PCSK6: variants seen among roughly 807,000 people sequenced by gnomAD.
PCSK6 encodes the protein paired basic amino acid cleaving enzyme 4.
Under a neutral mutation model 123.3 loss-of-function variants are expected in PCSK6, and 85 were observed. The observed-to-expected ratio is 0.69, with a 90% CI of 0.58 to 0.83. PCSK6 has a LOEUF of 0.83. PCSK6 is among the 40% of genes least tolerant of loss of function. The probability of loss-of-function intolerance (pLI) is 0.00; values close to 1 mark genes in which losing one functional copy is unlikely to be tolerated. For synonymous variants in PCSK6, 508 were observed against 516.0 expected, an observed-to-expected ratio of 0.98 and a Z score of 0.21; for missense variants, 1,191 against 1,282.3, an observed-to-expected ratio of 0.93 and a Z score of 1.09.
rs1265409246 is a variant in PCSK6 at position 101,345,618 on chromosome 15, A to C, written c.1859-13587T>G. 3.3e-5 allele frequency among the ~76,000 whole-genome samples: 5 copies of C among 152,260 alleles called. 1 individual carries two copies. The highest frequency in any genetic ancestry group is 7.3e-5 in the Non-Finnish European group (5 of 68,040). On this transcript the variant is annotated intron_variant, in intron 13 of 21. Coordinates refer to ENST00000611716, the MANE Select transcript of PCSK6 (RefSeq NM_002570.5). ...AATATTTTACACAGACTACATACTT[A>C]TCAGCTTGATAGCAACACTGAGCGC...
chr15:101,427,398 A>G (rs565092070), intron 6 of PCSK6, among the ~76,000 whole-genome samples: 2 of 152,280 alleles, frequency 1.3e-5, no homozygotes, highest in African/African-American at 4.8e-5. Context: ...CCCAGGCATC[A>G]ATCGGGAAGA....
At chr15:101,425,151 C>A (rs113305224) in intron 6 of PCSK6, among the ~76,000 whole-genome samples, 4 of 152,182 alleles carry the variant, frequency 2.6e-5, no homozygotes, top group African/African-American at 9.7e-5. Flanking sequence ...GAGACAATTA[C>A]GTCTGCGGCG....
chr15:101,343,188 T>C (rs1348893342), intron 13 of PCSK6, among the ~76,000 whole-genome samples: 1 of 150,066 alleles, frequency 6.7e-6, no homozygotes, highest in Non-Finnish European at 1.5e-5. Flanking sequence ...CACATAATTT[T>C]AATGTATATA....
intron 6 of PCSK6, among the ~76,000 whole-genome samples, chr15:101,402,786 G>A (rs1246594822): frequency 1.3e-5 from 2 of 152,176 alleles, no homozygotes; most frequent in Non-Finnish European, 2.9e-5. Flanking sequence ...TGCTGGAGAG[G>A]ATGTGGAGAA....
At chr15:101,367,643 C>A (rs1013127889) in intron 12 of PCSK6, among the ~76,000 whole-genome samples, 2 of 151,472 alleles carry the variant, frequency 1.3e-5, no homozygotes, top group Admixed American at 1.3e-4. Context: ...ACATCAATGG[C>A]TTCTTAGTGA....
chr15:101,384,635 A>G (rs2042008121), intron 9 of PCSK6, among the ~76,000 whole-genome samples: 1 of 152,214 alleles, frequency 6.6e-6, no homozygotes, highest in Non-Finnish European at 1.5e-5. Flanking sequence ...AAAAGGTTCA[A>G]TGGGTGACCC....
At chr15:101,415,462 T>C (rs2055855718) in intron 6 of PCSK6, among the ~76,000 whole-genome samples, 1 of 152,216 alleles carries the variant, frequency 6.6e-6, no homozygotes, top group African/African-American at 2.4e-5. Flanking sequence ...TAAAATACTG[T>C]GATTTGTAAA....
At chr15:101,416,524 C>A (rs1438145386) in intron 6 of PCSK6, among the ~76,000 whole-genome samples, 2 of 152,220 alleles carry the variant, frequency 1.3e-5, no homozygotes, top group East Asian at 3.8e-4. Flanking sequence ...GCATAAGTAA[C>A]AAGGAATCTA....
At chr15:101,472,344 A>G (rs2057627156) in intron 1 of PCSK6, among the ~76,000 whole-genome samples, 1 of 152,282 alleles carries the variant, frequency 6.6e-6, no homozygotes. Flanking sequence ...CGGGTTGGGC[A>G]GCATGGCTGC....
intron 1 of PCSK6, among the ~76,000 whole-genome samples, chr15:101,444,526 T>A (rs2056837792): frequency 6.6e-6 from 1 of 152,164 alleles, no homozygotes; most frequent in Admixed American, 6.5e-5. Context: ...TCTAGCTTGA[T>A]TAAAGGGTAA....
chr15:101,325,997 C>T (rs978416821), intron 16 of PCSK6, among the ~76,000 whole-genome samples: 1 of 152,238 alleles, frequency 6.6e-6, no homozygotes, highest in African/African-American at 2.4e-5. Flanking sequence ...TCAGCCTGTC[C>T]AAGAGCCATG....
chr15:101,347,859 G>T lies in PCSK6; in HGVS notation c.1859-15828C>A. On this transcript the variant is annotated intron_variant, in intron 13 of 21. Coordinates refer to ENST00000611716, the MANE Select transcript of PCSK6 (RefSeq NM_002570.5). The stretch of plus-strand genomic sequence containing the variant: ...AATCCCAGGGCAACAGGAGTGGAGG[G>T]CAGCAGGAGGAAGCGCCCGGGGTTG... 4 of 1,139,032 alleles carry T rather than the reference G, an allele frequency of 3.5e-6. No individual in the cohort carries two copies. The South Asian group carries it at 5.0e-5, about 14-fold the overall frequency. 70.6% of individuals were successfully genotyped at this position (1,139,032 alleles called of 1,614,324 possible). A position where few individuals can be genotyped will look rare whatever the true frequency, so the allele number is the denominator to read the frequency against.
At chr15:101,355,457 G>C (rs1021285760) in intron 13 of PCSK6, among the ~76,000 whole-genome samples, 1 of 152,224 alleles carries the variant, frequency 6.6e-6, no homozygotes, top group South Asian at 2.1e-4. Context: ...CAAAGGGAGG[G>C]CTAGGCCAAC....
intron 1 of PCSK6, among the ~76,000 whole-genome samples, chr15:101,466,868 C>T (rs112963387): frequency 3.9e-5 from 6 of 152,140 alleles, no homozygotes; most frequent in African/African-American, 1.4e-4. Flanking sequence ...TGGGGACTGA[C>T]TGCTAAGACG....
Position 101,322,528 on chromosome 15 carries a change from T to C in PCSK6, c.2457A>G (p.Glu819=). ...DEPEKCTVCK[E]GFSLARGSCI... ...TTTCGAGGGGGTTTTACCTGAATCCTTCTTTACAGACAGTACATTTCTCAG... is the reference window on the plus strand; with the variant it reads ...TTTCGAGGGGGTTTTACCTGAATCCCTCTTTACAGACAGTACATTTCTCAG... The change falls in exon 18 of 22, where the codon GAA becomes GAG. Residue 819 remains glutamate (E), a synonymous_variant. Transcript: ENST00000611716. 6.2e-7 allele frequency: 1 copy of C among 1,612,646 alleles called. No homozygotes were observed. Among genetic ancestry groups the C allele is most frequent in the South Asian group, 1.1e-5 (1 of 91,034 alleles).
At chr15:101,403,035 T>C (rs2042641197) in intron 6 of PCSK6, among the ~76,000 whole-genome samples, 1 of 151,992 alleles carries the variant, frequency 6.6e-6, no homozygotes, top group African/African-American at 2.4e-5. Context: ...TGTCCAACAA[T>C]GATAGACTGG....
chr15:101,384,146 C>T, intron 10 of PCSK6, 176 bp downstream of exon 10: 1 of 1,411,658 alleles, frequency 7.1e-7, no homozygotes. Context: ...CGTAATGTCA[C>T]TGTGAGCTTC....
intron 13 of PCSK6, among the ~76,000 whole-genome samples, chr15:101,333,413 G>C (rs923311015): frequency 2.6e-5 from 4 of 152,238 alleles, no homozygotes; most frequent in African/African-American, 7.2e-5. Flanking sequence ...ACCCAAGCTG[G>C]GGACAGGGCC....
chr15:101,380,405 C>T (rs3784488), intron 11 of PCSK6, among the ~76,000 whole-genome samples: 6,661 of 152,262 alleles, frequency 0.044, 224 homozygotes, highest in East Asian at 0.1. Context: ...GCCCACCTCC[C>T]TCACCTAGCC....
Sources: allele counts gnomAD v4.1 joint callset (sites outside exome capture counted in the v4.1 genomes callset), GRCh38; gene constraint gnomAD v4.1.1; transcripts MANE v1.5; gene names NCBI Gene and HGNC (gene_info 2026-07-23, HGNC 2026-07-21).